The following IDE variants were observed in gnomAD, a reference collection of about 807,000 sequenced individuals.
IDE encodes insulin-degrading enzyme.
IDE carries 58 observed loss-of-function variants against 133.2 expected under a neutral mutation model. The ratio of observed to expected loss-of-function variants is 0.44; its 90% CI spans 0.35 to 0.54. IDE has a LOEUF of 0.54. IDE is among the 20% of genes least tolerant of loss of function. The pLI, the probability that IDE is intolerant of heterozygous loss-of-function variation, is 0.00. For missense variants in IDE, 981 were observed against 1,234.0 expected, an observed-to-expected ratio of 0.79 and a Z score of 3.07; for synonymous variants, 396 against 421.3, an observed-to-expected ratio of 0.94 and a Z score of 0.73.
intron 13 of IDE, 100 bp from the exon 14 acceptor site, chr10:92,483,437 T>A (rs1846742425): frequency 1.5e-6 from 1 of 689,026 alleles, no homozygotes; most frequent in African/African-American, 1.8e-5. Flanking sequence ...AAGCAATAGT[T>A]AGAGTTTTGT....
intron 1 of IDE, among the ~76,000 whole-genome samples, chr10:92,548,812 G>C (rs1842651912): frequency 6.6e-6 from 1 of 152,156 alleles, no homozygotes; most frequent in African/African-American, 2.4e-5. Context: ...ATAGTAAGTA[G>C]TTCTCAATGG....
Position 92,521,815 on chromosome 10 carries a change from A to T in IDE, c.662-6773T>A, listed in dbSNP as rs1849239905. 2.6e-5 allele frequency among the ~76,000 whole-genome samples: 4 copies of T among 152,312 alleles called. No individual in the cohort carries two copies. The South Asian group carries it at 8.3e-4, about 32-fold the overall frequency. ...TTATAAGAACACTAGAAATTTGAACACTAACTGGATATTTGATAATAATGG... is the reference window on the plus strand; with the variant it reads ...TTATAAGAACACTAGAAATTTGAACTCTAACTGGATATTTGATAATAATGG... On this transcript the variant is annotated intron_variant, in intron 4 of 24. Coordinates refer to ENST00000265986, the MANE Select transcript of IDE (RefSeq NM_004969.4).
At chr10:92,492,382 C>T (rs1847408344) in intron 11 of IDE, among the ~76,000 whole-genome samples, 1 of 152,120 alleles carries the variant, frequency 6.6e-6, no homozygotes, top group Non-Finnish European at 1.5e-5. Context: ...ACAAGTGGAA[C>T]TCTAAGCCAT....
In IDE at chr10:92,534,725, A is replaced by T. The variant is rs1401804741; in HGVS notation, c.344T>A (p.Phe115Tyr). 6.2e-7 allele frequency: 1 copy of T among 1,613,896 alleles called. No individual in the cohort carries two copies. The highest frequency in any genetic ancestry group is 8.5e-7 in the Non-Finnish European group (1 of 1,179,974). ...GLSHFCEHMLFLGTKKYPKEN... is the reference protein window; with the variant it reads ...GLSHFCEHMLYLGTKKYPKEN... ...TTTAGGGTATTTCTTTGTTCCCAAA[A>T]AAAGCATATGTTCACAAAAATGACT... The change falls in exon 3 of 25, where the codon TTT becomes TAT. Residue 115 changes from phenylalanine to tyrosine, a missense_variant. Around this residue, in one of 2 missense-constraint regions of IDE, gnomAD observed 321 missense variants for 339.3 expected, o/e 0.95. Transcript: ENST00000265986.
chr10:92,521,609 T>C (rs1849229950), intron 4 of IDE, among the ~76,000 whole-genome samples: 1 of 151,744 alleles, frequency 6.6e-6, no homozygotes, highest in South Asian at 2.1e-4. Flanking sequence ...CTTTGGGTGG[T>C]CAAGGTGGGA....
chr10:92,549,148 C>T (rs745430944), intron 1 of IDE, among the ~76,000 whole-genome samples: 7 of 151,940 alleles, frequency 4.6e-5, no homozygotes, highest in African/African-American at 7.3e-5. Context: ...ATCCCAGCTA[C>T]TCGGGAGGCT....
chr10:92,485,127 T>TC (rs1846904009), intron 13 of IDE, among the ~76,000 whole-genome samples: 1 of 54,928 alleles, frequency 1.8e-5, no homozygotes, highest in Non-Finnish European at 4.4e-5. Context: ...CTTTCTTTCT[T>TC]TTTTTTTTTT....
chr10:92,514,645 G>A (rs567683785), intron 5 of IDE, among the ~76,000 whole-genome samples: 1 of 152,106 alleles, frequency 6.6e-6, no homozygotes, highest in African/African-American at 2.4e-5. Flanking sequence ...TTACTATGTT[G>A]CCCAGGCTGG....
intron 19 of IDE, 136 bp from the exon 20 acceptor site, chr10:92,465,979 G>A: frequency 1.4e-6 from 1 of 717,370 alleles, no homozygotes; most frequent in South Asian, 1.7e-5. Context: ...GCCTGGAGTT[G>A]TATTTCATTG....
intron 11 of IDE, among the ~76,000 whole-genome samples, chr10:92,494,515 G>A (rs1847574596): frequency 6.6e-6 from 1 of 152,090 alleles, no homozygotes; most frequent in Non-Finnish European, 1.5e-5. Context: ...GCCAAGGCGA[G>A]TGGGTCACTT....
chr10:92,515,560 CTTTTTTTTTT>C (rs770666032), intron 4 of IDE, among the ~76,000 whole-genome samples: 1 of 106,728 alleles, frequency 9.4e-6, no homozygotes, highest in Non-Finnish European at 1.9e-5. Context: ...CGCACCCGGC[CTTTTTTTTTT>C]TTTTTTTTGA....
At chr10:92,519,264 G>C (rs945829771) in intron 4 of IDE, among the ~76,000 whole-genome samples, 4 of 152,172 alleles carry the variant, frequency 2.6e-5, no homozygotes, top group African/African-American at 9.7e-5. Context: ...AAGAAACCAT[G>C]TATGGAGAAC....
intron 11 of IDE, among the ~76,000 whole-genome samples, chr10:92,492,043 G>A (rs962835278): frequency 1.3e-5 from 2 of 152,068 alleles, no homozygotes; most frequent in East Asian, 1.9e-4. Flanking sequence ...GGAAGATCAC[G>A]AGGTCAAGAG....
At chr10:92,564,098 T>C (rs923843530) in intron 1 of IDE, among the ~76,000 whole-genome samples, 5 of 152,128 alleles carry the variant, frequency 3.3e-5, no homozygotes, top group Non-Finnish European at 7.4e-5. Flanking sequence ...CACCAGAAGA[T>C]CTACAAAAAG....
chr10:92,553,114 T>G (rs998510044), intron 1 of IDE, among the ~76,000 whole-genome samples: 20 of 151,772 alleles, frequency 1.3e-4, no homozygotes, highest in Non-Finnish European at 1.5e-5. Flanking sequence ...TTCATAGCAA[T>G]ATAAATAAAT....
At chr10:92,465,130 G>A (rs76730172) in intron 20 of IDE, among the ~76,000 whole-genome samples, 5,160 of 152,276 alleles carry the variant, frequency 0.034, 137 homozygotes, top group Admixed American at 0.058. Context: ...TTTAAACAAT[G>A]ATGGGTACTT....
At position 92,454,503 on chromosome 10, in the gene IDE, C is replaced by T. The variant is rs759910448; in HGVS notation, c.3001G>A (p.Gly1001Ser). The T allele has an allele frequency of 1.9e-6, 3 of 1,614,010 alleles. No homozygotes were observed. Among genetic ancestry groups the T allele is most frequent in the Non-Finnish European group, 2.5e-6 (3 of 1,179,878 alleles). ...TTCACAAGGGGAAACAGTGGCAGAC[C>T]ACGCTTGAATTCGGTCATGTTCTGA... Reference protein sequence around the residue: ...VIQNMTEFKRGLPLFPLVKPH... With the variant: ...VIQNMTEFKRSLPLFPLVKPH... The change falls in exon 25 of 25, where the codon GGT (glycine) becomes AGT (serine). Residue 1001 changes from glycine (G) to serine (S), a missense_variant. By Grantham distance (56) the Gly-to-Ser change is moderately conservative. Around this residue, in one of 2 missense-constraint regions of IDE, gnomAD observed 660 missense variants for 894.7 expected, o/e 0.74. Coordinates refer to ENST00000265986, the MANE Select transcript of IDE (RefSeq NM_004969.4).
chr10:92,497,967 C>A (rs564481483), intron 11 of IDE, among the ~76,000 whole-genome samples: 1 of 152,300 alleles, frequency 6.6e-6, no homozygotes, highest in East Asian at 1.9e-4. Context: ...TAATTTAAAT[C>A]ATGGTTTTTT....
chr10:92,560,234 C>T (rs1000071119), intron 1 of IDE, among the ~76,000 whole-genome samples: 5 of 152,060 alleles, frequency 3.3e-5, no homozygotes, highest in African/African-American at 9.7e-5. Flanking sequence ...TTAGTTTAAC[C>T]GTGTATCTGA....
Sources: allele counts gnomAD v4.1 joint callset (sites outside exome capture counted in the v4.1 genomes callset), GRCh38; gene constraint gnomAD v4.1.1; regional missense constraint gnomAD v4.1.1; transcripts MANE v1.5; gene names NCBI Gene and HGNC (gene_info 2026-07-23, HGNC 2026-07-21).